Variants in ASRGL1 observed in about 807,000 individuals in gnomAD.
The protein encoded by ASRGL1 is isoaspartyl peptidase/L-asparaginase.
In ASRGL1, 16 loss-of-function variants were observed where a neutral mutation model predicts 22.4. The ratio of observed to expected loss-of-function variants is 0.71; its 90% confidence interval spans 0.48 to 1.08. ASRGL1 has a LOEUF of 1.08. Ranked by LOEUF, ASRGL1 falls within the 50% of genes least tolerant of loss-of-function variation. The pLI, the probability that ASRGL1 is intolerant of heterozygous loss-of-function variation, is 0.00. For synonymous variants in ASRGL1, 165 were observed against 159.3 expected (o/e 1.04, Z -0.27); for missense variants, 412 against 410.1 (o/e 1.00, Z -0.04).
intron 4 of ASRGL1, chr11:62,371,414 A>T: frequency 1.7e-6 from 1 of 584,014 alleles, no homozygotes. Flanking sequence ...CACACCAAGA[A>T]GCACGTCAAA....
the ASRGL1 span, among the ~76,000 whole-genome samples, chr11:62,400,318 A>G: frequency 6.6e-6 from 1 of 152,226 alleles, no homozygotes; most frequent in Non-Finnish European, 1.5e-5. Context: ...GAAAGTTCTC[A>G]GAAGTGTGCC....
chr11:62,355,256 C>G (rs911195873), intron 2 of ASRGL1, among the ~76,000 whole-genome samples: 2 of 149,118 alleles, frequency 1.3e-5, no homozygotes, highest in Non-Finnish European at 3.0e-5. Context: ...GATGAAGTCT[C>G]GCTCTGTCGC....
At chr11:62,352,158 G>C (rs1946181928) in intron 2 of ASRGL1, among the ~76,000 whole-genome samples, 1 of 152,166 alleles carries the variant, frequency 6.6e-6, no homozygotes, top group Non-Finnish European at 1.5e-5. Context: ...GAGGTCATAA[G>C]GATGGAGTCC....
In ASRGL1 at chr11:62,383,936, C is replaced by A. The variant is rs1180817501; in HGVS notation, c.492-5197C>A. On this transcript the variant is annotated intron_variant, in intron 4 of 6. Transcript: ENST00000415229. ...CTCAAAAAAAAAAAAAAAATCAGTACTCCCTGGAATGAAGCCAAGAAAAAA... is the reference window on the plus strand; with the variant it reads ...CTCAAAAAAAAAAAAAAAATCAGTAATCCCTGGAATGAAGCCAAGAAAAAA... Among the ~76,000 whole-genome samples, 11 of 143,852 alleles carry A rather than the reference C, an allele frequency of 7.6e-5. No individual in the cohort carries two copies. In the Admixed American group the frequency reaches 7.8e-4, roughly 10 times the overall value. The allele number at this position is 143,852 out of a possible 152,430, so 94.4% of individuals were successfully genotyped here.
downstream of ASRGL1, among the ~76,000 whole-genome samples, chr11:62,395,034 G>A (rs1037372207): frequency 6.6e-6 from 1 of 152,194 alleles, no homozygotes; most frequent in African/African-American, 2.4e-5. Context: ...GGCTTCAGCC[G>A]CCCAAAGGGA....
At chr11:62,386,713 T>C (rs539771223) in intron 4 of ASRGL1, among the ~76,000 whole-genome samples, 1 of 152,316 alleles carries the variant, frequency 6.6e-6, no homozygotes, top group Non-Finnish European at 1.5e-5. Flanking sequence ...TGCTGAGTCA[T>C]GGAATGTGCA....
chr11:62,380,994 T>C (rs1167258449), intron 4 of ASRGL1, among the ~76,000 whole-genome samples: 1 of 152,168 alleles, frequency 6.6e-6, no homozygotes, highest in East Asian at 1.9e-4. Context: ...CCTGTGGTGC[T>C]GGAAACACTC....
the ASRGL1 span, among the ~76,000 whole-genome samples, chr11:62,401,019 G>A: frequency 3.3e-5 from 5 of 152,192 alleles, no homozygotes; most frequent in African/African-American, 9.7e-5. Flanking sequence ...CTCCTCACTA[G>A]GGAAGGCCTG....
chr11:62,399,540 T>C, the ASRGL1 span, among the ~76,000 whole-genome samples: 1 of 152,166 alleles, frequency 6.6e-6, no homozygotes. Context: ...CCAACACTGC[T>C]CCTGTCTCTA....
At chr11:62,384,346 T>TA (rs1378594636) in intron 4 of ASRGL1, among the ~76,000 whole-genome samples, 4 of 151,926 alleles carry the variant, frequency 2.6e-5, no homozygotes, top group African/African-American at 7.2e-5. Flanking sequence ...CTACTAAGAA[T>TA]ACAGAAAAAT....
chr11:62,360,812 C>T (rs933598477), intron 4 of ASRGL1, among the ~76,000 whole-genome samples: 2 of 152,086 alleles, frequency 1.3e-5, no homozygotes, highest in African/African-American at 4.8e-5. Flanking sequence ...AAACACACAC[C>T]CTGTTACAGG....
chr11:62,346,232 A>G (rs925123913), intron 2 of ASRGL1, among the ~76,000 whole-genome samples: 7 of 152,212 alleles, frequency 4.6e-5, no homozygotes, highest in Non-Finnish European at 1.0e-4. Flanking sequence ...AGGGTAGCTC[A>G]CAGAACTCAG....
intron 4 of ASRGL1, among the ~76,000 whole-genome samples, chr11:62,388,552 C>T (rs548913576): frequency 6.6e-6 from 1 of 152,080 alleles, no homozygotes; most frequent in African/African-American, 2.4e-5. Context: ...TGCCTGTAGT[C>T]CCAGCTACTT....
At chr11:62,398,807 A>G in the ASRGL1 span, among the ~76,000 whole-genome samples, 4 of 152,176 alleles carry the variant, frequency 2.6e-5, no homozygotes, top group South Asian at 6.2e-4. Context: ...CACAAATATC[A>G]CACCCTGGAT....
chr11:62,399,836 G>A, the ASRGL1 span, among the ~76,000 whole-genome samples: 2 of 152,190 alleles, frequency 1.3e-5, no homozygotes, highest in African/African-American at 2.4e-5. Flanking sequence ...CCCTGCCTGG[G>A]CTCTGAGACC....
chr11:62,372,910 T>C lies in ASRGL1; in HGVS notation c.491+15766T>C, dbSNP rs939868873. On this transcript the variant is annotated intron_variant, in intron 4 of 6. Transcript: ENST00000415229. ...CTCTGCAGCTGGAGAATCTGGAGCC[T>C]GGCTTGTGGGAAGAGCAGCATCATT... 3.8e-6 allele frequency: 6 copies of C among 1,581,262 alleles called. No homozygotes were observed. The African/African-American group carries it at 6.7e-5, about 18-fold the overall frequency.
chr11:62,353,343 CTT>C (rs35136967), intron 2 of ASRGL1, among the ~76,000 whole-genome samples: 4 of 135,912 alleles, frequency 2.9e-5, no homozygotes, highest in African/African-American at 8.4e-5. Context: ...TTTTATGATG[CTT>C]TTTTTTTTTT....
chr11:62,363,625 G>T (rs1256573063), intron 4 of ASRGL1, among the ~76,000 whole-genome samples: 1 of 152,108 alleles, frequency 6.6e-6, no homozygotes, highest in Non-Finnish European at 1.5e-5. Flanking sequence ...AATGCACTCT[G>T]CAATCACAAT....
chr11:62,365,793 G>A (rs1348100217), intron 4 of ASRGL1, among the ~76,000 whole-genome samples: 1 of 152,124 alleles, frequency 6.6e-6, no homozygotes, highest in Non-Finnish European at 1.5e-5. Context: ...AGGCTGCTGT[G>A]AGCTGAGATG....
Sources: allele counts gnomAD v4.1 joint callset (sites outside exome capture counted in the v4.1 genomes callset), GRCh38; gene constraint gnomAD v4.1.1; transcripts MANE v1.5; gene names NCBI Gene and HGNC (gene_info 2026-07-23, HGNC 2026-07-21).